The following NTRK2 variants were observed in gnomAD, a reference collection of about 807,000 sequenced individuals.
NTRK2 encodes BDNF/NT-3 growth factors receptor.
In NTRK2, 13 loss-of-function variants were observed where a neutral mutation model predicts 94.5. That is an observed-to-expected ratio of 0.14 (90% CI 0.09 to 0.22). The LOEUF (loss-of-function observed/expected upper bound fraction) is 0.22, where lower values mean the gene tolerates loss of function less well. NTRK2 is among the 10% of genes least tolerant of loss of function. The pLI is 1.00. For missense variants in NTRK2, 639 were observed against 1,071.2 expected, an observed-to-expected ratio of 0.60 and a Z score of 5.63; for synonymous variants, 372 against 407.4, an observed-to-expected ratio of 0.91 and a Z score of 1.05.
chr9:84,882,086 G>A (rs771799645), intron 14 of NTRK2, among the ~76,000 whole-genome samples: 1 of 152,112 alleles, frequency 6.6e-6, no homozygotes, highest in Non-Finnish European at 1.5e-5. Context: ...GGAGAGCTAG[G>A]AGTTGAACCT....
At chr9:84,958,310 G>A (rs954486709) in intron 17 of NTRK2, among the ~76,000 whole-genome samples, 5 of 152,066 alleles carry the variant, frequency 3.3e-5, no homozygotes, top group African/African-American at 1.2e-4. Context: ...GCAAAACAGT[G>A]ACCATCATTA....
intron 16 of NTRK2, among the ~76,000 whole-genome samples, chr9:84,951,802 C>T (rs72739938): frequency 2.0e-5 from 3 of 152,306 alleles, no homozygotes; most frequent in Non-Finnish European, 4.4e-5. Context: ...TGTCCTCTTT[C>T]CGCAAGGGAG....
At chr9:84,760,428 G>A (rs578057726) in intron 12 of NTRK2, among the ~76,000 whole-genome samples, 240 of 152,142 alleles carry the variant, frequency 1.6e-3, no homozygotes, top group African/African-American at 5.1e-3. Flanking sequence ...GAAAAATGTC[G>A]CAAATGTAAA....
At chr9:84,983,238 C>T (rs756866248) in intron 17 of NTRK2, among the ~76,000 whole-genome samples, 1 of 152,044 alleles carries the variant, frequency 6.6e-6, no homozygotes, top group Non-Finnish European at 1.5e-5. Flanking sequence ...CTAAATGACC[C>T]CAAGGTGAAA....
intron 2 of NTRK2, among the ~76,000 whole-genome samples, chr9:84,682,168 AC>A (rs2059428675): frequency 6.6e-6 from 1 of 152,144 alleles, no homozygotes; most frequent in Non-Finnish European, 1.5e-5. Flanking sequence ...TCCTTCATTC[AC>A]TGCCCAACAC....
chr9:84,787,925 T>C (rs940394762), intron 12 of NTRK2, among the ~76,000 whole-genome samples: 8 of 152,190 alleles, frequency 5.3e-5, no homozygotes, highest in Non-Finnish European at 7.4e-5. Flanking sequence ...ATCTGTGGCC[T>C]TGGTCATGTT....
intron 17 of NTRK2, among the ~76,000 whole-genome samples, chr9:84,961,743 A>T (rs1433916962): frequency 2.6e-5 from 4 of 152,262 alleles, no homozygotes; most frequent in Non-Finnish European, 5.9e-5. Context: ...AGACATTTTA[A>T]TACAATGTGA....
intron 15 of NTRK2, among the ~76,000 whole-genome samples, chr9:84,939,763 A>G (rs2078341550): frequency 1.3e-5 from 2 of 152,144 alleles, no homozygotes; most frequent in Non-Finnish European, 2.9e-5. Flanking sequence ...AATCCATGCT[A>G]CTAGAAAACC....
chr9:84,994,376 C>A (rs1588139544), intron 17 of NTRK2, among the ~76,000 whole-genome samples: 1 of 152,174 alleles, frequency 6.6e-6, no homozygotes, highest in Admixed American at 6.5e-5. Flanking sequence ...AGTGAATGAA[C>A]AGACTTTTCC....
chr9:84,929,142 A>T (rs1197508229), intron 14 of NTRK2, among the ~76,000 whole-genome samples: 2 of 152,228 alleles, frequency 1.3e-5, no homozygotes, highest in African/African-American at 2.4e-5. Flanking sequence ...CTGTGTGTAT[A>T]TATGGAATAT....
At chr9:84,877,946 C>T (rs77069214) in intron 14 of NTRK2, 36,774 of 1,011,162 alleles carry the variant, frequency 0.036, 817 homozygotes, top group African/African-American at 0.092. Flanking sequence ...CTTTTTCTTA[C>T]ATAGACTTGA....
At chr9:84,863,671 C>A (rs918992623) in intron 13 of NTRK2, among the ~76,000 whole-genome samples, 3 of 152,158 alleles carry the variant, frequency 2.0e-5, no homozygotes, top group African/African-American at 2.4e-5. Context: ...TCCATTATAT[C>A]AAAATGTTCA....
intron 14 of NTRK2, chr9:84,877,993 C>G (rs529346054): frequency 2.1e-6 from 2 of 969,226 alleles, no homozygotes; most frequent in Non-Finnish European, 2.5e-6. Context: ...CAAGGCACCA[C>G]GAACAGAGCT....
chr9:84,754,196 G>A (rs1443390053), intron 12 of NTRK2, among the ~76,000 whole-genome samples: 7 of 151,966 alleles, frequency 4.6e-5, no homozygotes, highest in African/African-American at 1.5e-4. Flanking sequence ...CTGCCACAGA[G>A]CCAGTAAATG....
intron 12 of NTRK2, chr9:84,814,263 G>A: frequency 2.8e-6 from 3 of 1,065,528 alleles, no homozygotes; most frequent in Non-Finnish European, 3.4e-6. Flanking sequence ...GCTGAGGCTT[G>A]GAGCATCTCC....
At chr9:84,954,593 A>G (rs1645288349) in intron 16 of NTRK2, among the ~76,000 whole-genome samples, 2 of 152,222 alleles carry the variant, frequency 1.3e-5, no homozygotes, top group Admixed American at 6.5e-5. Context: ...GGAGGGGTGG[A>G]CAGAAGGAAA....
chr9:84,876,185 A>G (rs201390105), intron 14 of NTRK2: 7 of 1,040,938 alleles, frequency 6.7e-6, no homozygotes, highest in Non-Finnish European at 8.1e-6. Flanking sequence ...ACTGAGTGCC[A>G]TATTCCTAAA....
intron 16 of NTRK2, among the ~76,000 whole-genome samples, chr9:84,952,362 G>A (rs1227729351): frequency 1.3e-5 from 2 of 152,230 alleles, no homozygotes; most frequent in Non-Finnish European, 2.9e-5. Flanking sequence ...TGTAACCCAC[G>A]CTGGAGAGAA....
In NTRK2 at chr9:84,826,562, T is replaced by C. The variant is rs186948733; in HGVS notation, c.1397-34478T>C. ...TGGAGAACAGAGTTGAACTGAGAGG[T>C]TGATAGCACAATGGAAGGTACAGGA... On this transcript the variant is annotated intron_variant, in intron 12 of 18. Coordinates refer to ENST00000277120, the MANE Select transcript of NTRK2 (RefSeq NM_006180.6). Among the ~76,000 whole-genome samples, 166 of 152,198 alleles carry C rather than the reference T, an allele frequency of 1.1e-3. No individual in the cohort carries two copies. In the Middle Eastern group the frequency reaches 0.02, roughly 19 times the overall value.
Sources: gnomAD v4.1 joint callset for allele counts (sites outside exome capture counted in the v4.1 genomes callset) on GRCh38, gnomAD v4.1.1 for gene constraint, MANE v1.5 for transcripts, NCBI Gene and HGNC (gene_info 2026-07-23, HGNC 2026-07-21) for gene names.